Variants in ADAM10 observed in about 807,000 individuals in gnomAD.
The protein encoded by ADAM10 is ADAM metallopeptidase domain 10.
ADAM10 carries 17 observed loss-of-function variants against 90.1 expected under a neutral mutation model. That is an observed-to-expected ratio of 0.19 (90% CI 0.13 to 0.28). The LOEUF is 0.28. ADAM10 is among the 10% of genes least tolerant of loss of function. The probability of loss-of-function intolerance (pLI) is 1.00; values close to 1 mark genes in which losing one functional copy is unlikely to be tolerated. For missense variants in ADAM10, 610 were observed against 914.3 expected, an observed-to-expected ratio of 0.67 and a Z score of 4.29; for synonymous variants, 310 against 298.6, an observed-to-expected ratio of 1.04 and a Z score of -0.40.
Position 58,688,786 on chromosome 15 carries a change from A to ATATATATATATATATATATCTCTC in ADAM10, c.207-6473_207-6472insGAGAGATATATATATATATATATA. 2.1e-3 allele frequency among the ~76,000 whole-genome samples: 262 copies of ATATATATATATATATATATCTCTC among 122,210 alleles called. 4 individuals are homozygous for ATATATATATATATATATATCTCTC. The highest frequency in any genetic ancestry group is 0.012 in the Admixed American group (144 of 12,138). 80.2% of individuals were successfully genotyped at this position (122,210 alleles called of 152,430 possible). A position where few individuals can be genotyped will look rare whatever the true frequency, so the allele number is the denominator to read the frequency against. On this transcript the variant is annotated intron_variant, in intron 2 of 15. Coordinates refer to ENST00000260408, the MANE Select transcript of ADAM10 (RefSeq NM_001110.4). ...AAAAATTATATATATATATATATATATCTCTCTCTCTCACTGGACTGACTT... is the reference window on the plus strand; with the variant it reads ...AAAAATTATATATATATATATATATATATATATATATATATATATCTCTCTCTCTCTCTCTCACTGGACTGACTT...
chr15:58,727,031 A>G (rs1321027765), intron 1 of ADAM10, among the ~76,000 whole-genome samples: 1 of 151,994 alleles, frequency 6.6e-6, no homozygotes, highest in Non-Finnish European at 1.5e-5. Context: ...TTTAAGAGAC[A>G]GGGTCTCACT....
At chr15:58,727,015 T>C (rs550532396) in intron 1 of ADAM10, among the ~76,000 whole-genome samples, 11 of 151,936 alleles carry the variant, frequency 7.2e-5, no homozygotes, top group Admixed American at 5.2e-4. Context: ...ATTTCGCTTT[T>C]TGATTTTTAA....
intron 2 of ADAM10, among the ~76,000 whole-genome samples, chr15:58,697,485 C>A (rs986904783): frequency 6.6e-6 from 1 of 152,170 alleles, no homozygotes; most frequent in African/African-American, 2.4e-5. Context: ...CATGTGAACA[C>A]TTCTCCTAGG....
intron 2 of ADAM10, among the ~76,000 whole-genome samples, chr15:58,707,655 G>GTTACACCTATTATACATGA (rs1898346740): frequency 6.6e-6 from 1 of 152,124 alleles, no homozygotes; most frequent in South Asian, 2.1e-4. Flanking sequence ...AGAACACATG[G>GTTACACCTATTATACATGA]TTACACCTAT....
chr15:58,621,262 CAAAAAAAAAAAAAAAAAA>C (rs749439192), intron 11 of ADAM10, among the ~76,000 whole-genome samples, 191 bp downstream of exon 11: 2 of 25,264 alleles, frequency 7.9e-5, no homozygotes, highest in Non-Finnish European at 2.1e-4. Context: ...GACCCTGTCT[CAAAAAAAAAAAAAAAAAA>C]AAAAAAAAAA....
intron 14 of ADAM10, among the ~76,000 whole-genome samples, chr15:58,605,778 A>G (rs1287043952): frequency 1.7e-4 from 26 of 152,226 alleles, no homozygotes; most frequent in Admixed American, 2.6e-4. Flanking sequence ...ATAATTCTAC[A>G]TAAGAAAAAG....
At chr15:58,681,136 A>T (rs1897429807) in intron 3 of ADAM10, among the ~76,000 whole-genome samples, 1 of 152,140 alleles carries the variant, frequency 6.6e-6, no homozygotes, top group Non-Finnish European at 1.5e-5. Flanking sequence ...TTTTATCTGC[A>T]ATCTCATTTA....
Position 58,655,723 on chromosome 15 carries a change from A to AC in ADAM10, c.585+9373_585+9374insG, listed in dbSNP as rs1381370723. Among the ~76,000 whole-genome samples, 31 of 78,064 alleles carry AC rather than the reference A, an allele frequency of 4.0e-4. 1 individual carries two copies. The highest frequency in any genetic ancestry group is 9.2e-4 in the Admixed American group (6 of 6,532). The allele number at this position is 78,064 out of a possible 152,430, so 51.2% of individuals were successfully genotyped here. A position where few individuals can be genotyped will look rare whatever the true frequency, so the allele number is the denominator to read the frequency against. On this transcript the variant is annotated intron_variant, in intron 5 of 15. Coordinates refer to ENST00000260408, the MANE Select transcript of ADAM10 (RefSeq NM_001110.4). ...ATATATATATATAGTATATATATAT[A>AC]TATATATATATATATATTCTTTTTT...
intron 14 of ADAM10, among the ~76,000 whole-genome samples, chr15:58,601,259 C>T (rs757961883): frequency 3.3e-5 from 5 of 151,998 alleles, no homozygotes; most frequent in East Asian, 1.9e-4. Context: ...GTCAGGAGTT[C>T]GAGACTAGCC....
At chr15:58,641,088 T>A in intron 7 of ADAM10, 128 bp from the exon 8 acceptor site, 1 of 899,646 alleles carries the variant, frequency 1.1e-6, no homozygotes, top group Non-Finnish European at 1.8e-6. Flanking sequence ...GAATTAAGGC[T>A]TCTAAGGTTG....
chr15:58,687,097 G>C (rs1485896737), intron 2 of ADAM10, among the ~76,000 whole-genome samples: 1 of 152,174 alleles, frequency 6.6e-6, no homozygotes, highest in Admixed American at 6.5e-5. Context: ...ATTCCTAAAT[G>C]AAGACCAGAA....
intron 1 of ADAM10, among the ~76,000 whole-genome samples, chr15:58,718,977 C>A (rs1898755280): frequency 6.6e-6 from 1 of 152,198 alleles, no homozygotes; most frequent in Non-Finnish European, 1.5e-5. Flanking sequence ...GAAGGGCCAA[C>A]CTTACTGTTT....
At chr15:58,600,256 T>A (rs1895072474) in intron 14 of ADAM10, among the ~76,000 whole-genome samples, 1 of 152,148 alleles carries the variant, frequency 6.6e-6, no homozygotes, top group Non-Finnish European at 1.5e-5. Flanking sequence ...TCTTATAGAC[T>A]ATGTTTTGAT....
chr15:58,652,616 A>G (rs565328778), intron 5 of ADAM10, among the ~76,000 whole-genome samples: 60 of 152,252 alleles, frequency 3.9e-4, no homozygotes, highest in African/African-American at 1.4e-3. Context: ...TCATGCCAGT[A>G]CCATGTTGTT....
rs569125758 is a variant in ADAM10, at chr15:58,592,214, G to T, written c.*5333C>A. On this transcript the variant is annotated 3_prime_UTR_variant, in exon 16 of 16. Coordinates refer to ENST00000260408, the MANE Select transcript of ADAM10 (RefSeq NM_001110.4). ...CACAAAATCTGATTGCTCTCACTTT[G>T]TGAGGTTAGCAGTCACTGGCGATTA... The T allele has an allele frequency of 6.6e-6, 1 of 152,330 alleles. No individual in the cohort carries two copies. The highest frequency in any genetic ancestry group is 2.1e-4 in the South Asian group (1 of 4,820). 9.4% of individuals were successfully genotyped at this position (152,330 alleles called of 1,614,324 possible). A position where few individuals can be genotyped will look rare whatever the true frequency, so the allele number is the denominator to read the frequency against.
At chr15:58,726,336 G>A (rs747772935) in intron 1 of ADAM10, among the ~76,000 whole-genome samples, 2 of 151,896 alleles carry the variant, frequency 1.3e-5, no homozygotes, top group African/African-American at 4.8e-5. Context: ...AGGCCAAGGC[G>A]GGTGGATCAC....
At position 58,749,699 on chromosome 15, in the gene ADAM10, G is replaced by T. The variant is rs1417473465; in HGVS notation, c.-165C>A. 7.0e-7 allele frequency: 1 copy of T among 1,426,726 alleles called. No homozygotes were observed. Among genetic ancestry groups the T allele is most frequent in the Admixed American group, 2.5e-5 (1 of 39,604 alleles). 88.4% of individuals were successfully genotyped at this position (1,426,726 alleles called of 1,614,324 possible). ...ACCTCCCTCTCGCTCCACTTCAGGG[G>T]CCGGCAACGCTCCTAGCTCCTCCAA... On this transcript the variant is annotated 5_prime_UTR_variant, in exon 1 of 16. Transcript: ENST00000260408.
intron 5 of ADAM10, among the ~76,000 whole-genome samples, chr15:58,648,828 T>G (rs574793300): frequency 6.6e-6 from 1 of 152,252 alleles, no homozygotes; most frequent in Non-Finnish European, 1.5e-5. Flanking sequence ...CATTATGACA[T>G]ATCTATTTTA....
chr15:58,722,787 A>T (rs1360645668), intron 1 of ADAM10, among the ~76,000 whole-genome samples: 1 of 139,774 alleles, frequency 7.2e-6, no homozygotes, highest in African/African-American at 2.7e-5. Flanking sequence ...GCTGGAGTGC[A>T]GTAGCACTAT....
Sources: gnomAD v4.1 joint callset for allele counts (sites outside exome capture counted in the v4.1 genomes callset) on GRCh38, gnomAD v4.1.1 for gene constraint, MANE v1.5 for transcripts, NCBI Gene and HGNC (gene_info 2026-07-23, HGNC 2026-07-21) for gene names.